The following ITGB6 variants were observed in gnomAD, a reference collection of about 807,000 sequenced individuals.
ITGB6 encodes the protein integrin beta-6.
Under a neutral mutation model 84.5 loss-of-function variants are expected in ITGB6, and 80 were observed. That is an observed-to-expected ratio of 0.95 (90% CI 0.79 to 1.14). The LOEUF (loss-of-function observed/expected upper bound fraction) is 1.14. Among genes scored for constraint, ITGB6 ranks in the 50% most tolerant of loss-of-function variants. The pLI is 0.00. For missense variants in ITGB6, 1,006 were observed against 968.0 expected, an observed-to-expected ratio of 1.04 and a Z score of -0.52; for synonymous variants, 383 against 354.9, an observed-to-expected ratio of 1.08 and a Z score of -0.89.
intron 4 of ITGB6, among the ~76,000 whole-genome samples, chr2:160,180,356 A>G (rs554694149): frequency 6.6e-6 from 1 of 152,210 alleles, no homozygotes; most frequent in Non-Finnish European, 1.5e-5. Context: ...TATGTTGCCC[A>G]GGCTGGACTC....
At chr2:160,119,357 T>C (rs1164040023) in intron 12 of ITGB6, among the ~76,000 whole-genome samples, 1 of 151,992 alleles carries the variant, frequency 6.6e-6, no homozygotes, top group East Asian at 1.9e-4. Flanking sequence ...TCAGAAATAA[T>C]GCCGCATATC....
chr2:160,195,375 G>A lies in ITGB6; in HGVS notation c.587C>T (p.Pro196Leu). 23 of 1,614,124 alleles carry A rather than the reference G, an allele frequency of 1.4e-5. No individual in the cohort carries two copies. Among genetic ancestry groups the A allele is most frequent in the Non-Finnish European group, 1.9e-5 (23 of 1,179,984 alleles). Reference protein sequence around the residue: ...VKTTPEEIANPCSSIPYFCLP... With the variant: ...VKTTPEEIANLCSSIPYFCLP... ...AAGAGAATCATTTACTTACCTGCAA[G>A]GGTTGGCAATTTCTTCTGGTGTTGT... Residue 196 changes from proline to leucine, a missense_variant, in exon 4 of 15, where the codon CCT becomes CTT. Physicochemically the swap from Pro to Leu is moderately conservative, Grantham distance 98. Transcript: ENST00000283249.
At position 160,112,102 on chromosome 2, in the gene ITGB6, G is replaced by T; in HGVS notation, c.2079C>A (p.Ile693=). The change falls in exon 13 of 15, where the codon ATC becomes ATA. Residue 693 remains isoleucine (I), a synonymous_variant. Coordinates refer to ENST00000283249, the MANE Select transcript of ITGB6 (RefSeq NM_000888.5). ...LITTDNEGKT[I]IHSINEKDCP... ...CACCTTTTTCATTGATGCTGTGAATGATGGTTTTCCCCTCATTATCTGTAG... is the reference window on the plus strand; with the variant it reads ...CACCTTTTTCATTGATGCTGTGAATTATGGTTTTCCCCTCATTATCTGTAG... The T allele has an allele frequency of 6.2e-7, 1 of 1,612,878 alleles. No individual in the cohort carries two copies. Among genetic ancestry groups the T allele is most frequent in the Non-Finnish European group, 8.5e-7 (1 of 1,179,642 alleles).
At chr2:160,109,249 AGC>A (rs1328656672) in intron 13 of ITGB6, among the ~76,000 whole-genome samples, 2 of 152,226 alleles carry the variant, frequency 1.3e-5, no homozygotes, top group Admixed American at 1.3e-4. Context: ...TAAGTAAAGG[AGC>A]TAATGACATA....
Position 160,188,266 on chromosome 2 carries a change from G to C in ITGB6, c.593+7103C>G, listed in dbSNP as rs1435191161. Reference sequence around the variant, plus strand: ...TATCTTGACATGTATATGTATGTATGTGTGTACAAGGGTATACTATCTGGA... The same window carrying C: ...TATCTTGACATGTATATGTATGTATCTGTGTACAAGGGTATACTATCTGGA... On this transcript the variant is annotated intron_variant, in intron 4 of 14. Transcript: ENST00000283249. 2.6e-5 allele frequency among the ~76,000 whole-genome samples: 4 copies of C among 152,280 alleles called. No homozygotes were observed. The East Asian group carries it at 7.7e-4, about 29-fold the overall frequency.
At chr2:160,147,524 A>G (rs1269650052) in intron 7 of ITGB6, among the ~76,000 whole-genome samples, 1 of 152,240 alleles carries the variant, frequency 6.6e-6, no homozygotes, top group Non-Finnish European at 1.5e-5. Flanking sequence ...AGAATAGCCA[A>G]CTCAACACTG....
At chr2:160,112,327 G>A (rs11895959) in intron 12 of ITGB6, 128 bp from the exon 13 acceptor site, 2 of 789,024 alleles carry the variant, frequency 2.5e-6, no homozygotes, top group Middle Eastern at 3.8e-4. Flanking sequence ...AATAGGAGAG[G>A]CATAGGTTTT....
At chr2:160,185,884 C>T (rs868696939) in intron 4 of ITGB6, among the ~76,000 whole-genome samples, 87 of 152,178 alleles carry the variant, frequency 5.7e-4, no homozygotes, top group Middle Eastern at 3.4e-3. Context: ...GGATTCCCTA[C>T]TTAATAAATG....
In ITGB6 at chr2:160,174,032, G is replaced by A. The variant is rs1018582237; in HGVS notation, c.701C>T (p.Ala234Val). ...TCCACCTTCGGGTGTGTCAATATTA[G>A]CAGAAATTTTCTGATTCTTCACAAT... ...NEIVKNQKIS[A>V]NIDTPEGGFD... Residue 234 changes from alanine to valine, a missense_variant, in exon 5 of 15, where the codon GCT becomes GTT. By Grantham distance (64) the Ala-to-Val change is moderately conservative. Transcript: ENST00000283249. The A allele has an allele frequency of 1.9e-6, 3 of 1,613,556 alleles. No individual in the cohort carries two copies. The highest frequency in any genetic ancestry group is 2.7e-5 in the African/African-American group (2 of 74,922).
At chr2:160,199,342 G>A (rs1686465333) in intron 1 of ITGB6, 84 bp from the exon 2 acceptor site, 2 of 986,926 alleles carry the variant, frequency 2.0e-6, no homozygotes, top group African/African-American at 1.6e-5. Flanking sequence ...TACATTACTT[G>A]AACAAAACAA....
At chr2:160,161,705 C>A (rs1293085703) in intron 7 of ITGB6, among the ~76,000 whole-genome samples, 1 of 151,692 alleles carries the variant, frequency 6.6e-6, no homozygotes. Context: ...TTTCTTTTTG[C>A]AAATAGTATA....
intron 10 of ITGB6, among the ~76,000 whole-genome samples, chr2:160,136,479 G>A (rs977271604): frequency 4.6e-5 from 7 of 152,148 alleles, no homozygotes; most frequent in African/African-American, 1.7e-4. Flanking sequence ...CAACCATTGT[G>A]GAAGTCAGTG....
In ITGB6 at chr2:160,195,413, G is replaced by A. The variant is rs1574149878; in HGVS notation, c.549C>T (p.Ser183=). Residue 183 remains serine (S), a synonymous_variant, in exon 4 of 15, where the codon TCC becomes TCT. Coordinates refer to ENST00000283249, the MANE Select transcript of ITGB6 (RefSeq NM_000888.5). Reference sequence around the variant, plus strand: ...CTTCTGGTGTTGTTTTCACAAAAGGGGATACAGGTTTTTCCACAAAAGATC... The same window carrying A: ...CTTCTGGTGTTGTTTTCACAAAAGGAGATACAGGTTTTTCCACAAAAGATC... ...GFGSFVEKPV[S]PFVKTTPEEI... is the part of the protein sequence containing the mutation. The A allele has an allele frequency of 1.2e-6, 2 of 1,614,158 alleles. No homozygotes were observed. Among genetic ancestry groups the A allele is most frequent in the Non-Finnish European group, 1.7e-6 (2 of 1,179,996 alleles).
At chr2:160,145,100 G>T (rs375974303) in intron 7 of ITGB6, among the ~76,000 whole-genome samples, 1 of 152,080 alleles carries the variant, frequency 6.6e-6, no homozygotes, top group East Asian at 1.9e-4. Flanking sequence ...AAGTCTTAAC[G>T]CACTATTATA....
chr2:160,129,313 C>G (rs7564691), intron 10 of ITGB6, among the ~76,000 whole-genome samples: 1 of 150,014 alleles, frequency 6.7e-6, no homozygotes, highest in Admixed American at 6.7e-5. Flanking sequence ...GCCTGCCATG[C>G]GCAAGACACT....
At chr2:160,164,078 G>T (rs190833895) in intron 7 of ITGB6, among the ~76,000 whole-genome samples, 1 of 152,314 alleles carries the variant, frequency 6.6e-6, no homozygotes, top group East Asian at 1.9e-4. Context: ...AACATTGACA[G>T]ACATGAAAAC....
At position 160,192,257 on chromosome 2, in the gene ITGB6, G is replaced by A. The variant is rs552861653; in HGVS notation, c.593+3112C>T. Among the ~76,000 whole-genome samples, 106 of 152,184 alleles carry A rather than the reference G, an allele frequency of 7.0e-4. 1 individual carries two copies. In the South Asian group the frequency reaches 8.9e-3, roughly 13 times the overall value. On this transcript the variant is annotated intron_variant, in intron 4 of 14. Coordinates refer to ENST00000283249, the MANE Select transcript of ITGB6 (RefSeq NM_000888.5). Reference sequence around the variant, plus strand: ...GTAAGGGGGGTAGTGAGGCATTAGTGGTTACATGGGTATATGCAATGGATC... The same window carrying A: ...GTAAGGGGGGTAGTGAGGCATTAGTAGTTACATGGGTATATGCAATGGATC...
chr2:160,146,462 C>T (rs565639004), intron 7 of ITGB6, among the ~76,000 whole-genome samples: 4 of 152,216 alleles, frequency 2.6e-5, no homozygotes, highest in African/African-American at 9.6e-5. Flanking sequence ...ATATTATTAA[C>T]CAACATCAAT....
At chr2:160,124,032 T>C (rs1451803548) in intron 11 of ITGB6, 144 bp from the exon 12 acceptor site, 19 of 584,138 alleles carry the variant, frequency 3.3e-5, no homozygotes, top group Non-Finnish European at 5.4e-5. Flanking sequence ...TTCAAAAGGA[T>C]AGTAGGGTAA....
Sources: gnomAD v4.1 joint callset for allele counts (sites outside exome capture counted in the v4.1 genomes callset) on GRCh38, gnomAD v4.1.1 for gene constraint, MANE v1.5 for transcripts, NCBI Gene and HGNC (gene_info 2026-07-23, HGNC 2026-07-21) for gene names.